FILIP1: variants seen among roughly 807,000 people sequenced by gnomAD.
FILIP1 encodes filamin-A-interacting protein 1.
FILIP1 carries 61 observed loss-of-function variants against 102.1 expected under a neutral mutation model. That is an observed-to-expected ratio of 0.60 (90% CI 0.49 to 0.74). FILIP1 has a LOEUF of 0.74. FILIP1 is among the 30% of genes least tolerant of loss of function. The pLI, the probability that FILIP1 is intolerant of heterozygous loss-of-function variation, is 0.00. For missense variants in FILIP1, 1,314 were observed against 1,441.2 expected (o/e 0.91, Z 1.43); for synonymous variants, 491 against 526.9 (o/e 0.93, Z 0.93).
chr6:75,313,016 G>A lies in FILIP1; in HGVS notation c.2816C>T (p.Thr939Ile). 2 of 1,614,128 alleles carry A rather than the reference G, an allele frequency of 1.2e-6. No individual in the cohort carries two copies. The highest frequency in any genetic ancestry group is 1.7e-6 in the Non-Finnish European group (2 of 1,180,028). ...ATTCCCTAAGGTAGGAATGACAGTG[G>A]TACTAGAAAAAAATTCTTCAGATGT... ...SPTSEEFFSS[T>I]TVIPTLGNQK... Residue 939 changes from threonine to isoleucine, a missense_variant, in exon 5 of 6, where the codon ACC (threonine) becomes ATC (isoleucine). Around this residue, in one of 3 missense-constraint regions of FILIP1, gnomAD observed 816 missense variants for 913.1 expected, o/e 0.89. Transcript: ENST00000237172. This position sits in a 1 kb window ranked among gnomAD's most constrained non-coding sequence, Gnocchi z 4.2.
intron 4 of FILIP1, among the ~76,000 whole-genome samples, chr6:75,338,067 T>C (rs1421783539): frequency 2.0e-5 from 3 of 152,226 alleles, no homozygotes; most frequent in Non-Finnish European, 2.9e-5. Flanking sequence ...TCAGGTCAAA[T>C]GAATGTGCTT....
intron 2 of FILIP1, among the ~76,000 whole-genome samples, chr6:75,370,994 A>C (rs1775500527): frequency 6.6e-6 from 1 of 152,250 alleles, no homozygotes; most frequent in Non-Finnish European, 1.5e-5. Context: ...TCTCATACAA[A>C]TTGAATTATA....
intron 1 of FILIP1, among the ~76,000 whole-genome samples, chr6:75,437,669 T>C (rs1368467629): frequency 1.3e-5 from 2 of 152,364 alleles, no homozygotes; most frequent in African/African-American, 4.8e-5. Flanking sequence ...GCATCTCTAA[T>C]GGAACAAGGA....
At chr6:75,477,705 G>T (rs1468475709) in intron 1 of FILIP1, among the ~76,000 whole-genome samples, 1 of 152,150 alleles carries the variant, frequency 6.6e-6, no homozygotes, top group Non-Finnish European at 1.5e-5. Flanking sequence ...AAGGGTCCTT[G>T]TGTGATGCAG....
chr6:75,341,770 A>G lies in FILIP1; in HGVS notation c.629+11769T>C, dbSNP rs1334349361. Among the ~76,000 whole-genome samples, 5 of 152,320 alleles carry G rather than the reference A, an allele frequency of 3.3e-5. No individual in the cohort carries two copies. In the East Asian group the frequency reaches 9.6e-4, roughly 29 times the overall value. ...AGGTTTTCAGTTTTCCTGAGTCTAC[A>G]TATAATTAAATACAATAACAGCTAC... On this transcript the variant is annotated intron_variant, in intron 4 of 5. Transcript: ENST00000237172.
At chr6:75,296,746 C>A (rs1772693308) in intron 6 of FILIP1, 1 of 151,672 alleles carries the variant, frequency 6.6e-6, no homozygotes, top group African/African-American at 2.4e-5. Context: ...GATCTGCCCG[C>A]CTCAGCCTCC....
intron 3 of FILIP1, among the ~76,000 whole-genome samples, chr6:75,354,376 G>A (rs1230408066): frequency 6.6e-6 from 1 of 152,050 alleles, no homozygotes; most frequent in African/African-American, 2.4e-5. Context: ...TTCAAGACCA[G>A]CCTGACCAAC....
chr6:75,368,924 T>C (rs1178059047), intron 2 of FILIP1, among the ~76,000 whole-genome samples: 2 of 152,188 alleles, frequency 1.3e-5, no homozygotes, highest in Non-Finnish European at 2.9e-5. Context: ...AAGTCTAAGT[T>C]AGCCAGTCTG....
chr6:75,313,922 T>G lies in FILIP1; in HGVS notation c.1910A>C (p.Glu637Ala), dbSNP rs769176224. ...TTGTTGGAGACGTTTCTTCAGTCTC[T>G]CAATTTCAAGTGTTAGTTCCTTAAT... Reference protein sequence around the residue: ...NKIKELTLEIERLKKRLQQLE... With the variant: ...NKIKELTLEIARLKKRLQQLE... The change falls in exon 5 of 6, where the codon GAG becomes GCG. Residue 637 changes from glutamate (E) to alanine (A), a missense_variant. Glu to Ala is a moderately radical substitution (Grantham distance 107, BLOSUM62 -1). Around this residue, in one of 3 missense-constraint regions of FILIP1, gnomAD observed 816 missense variants for 913.1 expected, o/e 0.89. Transcript: ENST00000237172. This position sits in a 1 kb window ranked among gnomAD's most constrained non-coding sequence, Gnocchi z 4.2. 1.2e-6 allele frequency: 2 copies of G among 1,613,530 alleles called. No homozygotes were observed. The highest frequency in any genetic ancestry group is 2.2e-5 in the East Asian group (1 of 44,880).
intron 1 of FILIP1, among the ~76,000 whole-genome samples, chr6:75,456,114 G>A (rs984490047): frequency 5.3e-5 from 8 of 152,114 alleles, no homozygotes; most frequent in Admixed American, 6.5e-5. Context: ...CACACTAAGA[G>A]GCTAGTGGTT....
chr6:75,436,939 T>C (rs1396125748), intron 1 of FILIP1, among the ~76,000 whole-genome samples: 1 of 151,942 alleles, frequency 6.6e-6, no homozygotes, highest in Non-Finnish European at 1.5e-5. Context: ...GAACGCAGAG[T>C]TGAGAAGAGA....
intron 4 of FILIP1, among the ~76,000 whole-genome samples, chr6:75,351,173 T>G (rs1250450722): frequency 6.6e-6 from 1 of 152,004 alleles, no homozygotes; most frequent in Non-Finnish European, 1.5e-5. Flanking sequence ...TTCAAGCAAT[T>G]CTCCTGCGTC....
At chr6:75,357,061 C>A (rs542837263) in intron 3 of FILIP1, among the ~76,000 whole-genome samples, 26 of 152,292 alleles carry the variant, frequency 1.7e-4, no homozygotes, top group African/African-American at 6.3e-4. Context: ...CAGGCCCTAC[C>A]CAACTCCTCC....
chr6:75,369,470 T>C (rs1190987285), intron 2 of FILIP1, among the ~76,000 whole-genome samples: 1 of 152,230 alleles, frequency 6.6e-6, no homozygotes, highest in Non-Finnish European at 1.5e-5. Flanking sequence ...CTGAATTTCA[T>C]TGATCATGTT....
At chr6:75,311,507 G>C (rs1381763936) in intron 5 of FILIP1, among the ~76,000 whole-genome samples, 1 of 146,640 alleles carries the variant, frequency 6.8e-6, no homozygotes, top group African/African-American at 2.5e-5. Flanking sequence ...TTGTTTGCTT[G>C]TTTGTTTGAG....
At chr6:75,418,190 T>C (rs1777335593) in intron 1 of FILIP1, among the ~76,000 whole-genome samples, 1 of 152,156 alleles carries the variant, frequency 6.6e-6, no homozygotes, top group African/African-American at 2.4e-5. Context: ...AGAGCAAGAC[T>C]CCGTCTCAAA....
chr6:75,337,824 A>G (rs569112428), intron 4 of FILIP1, among the ~76,000 whole-genome samples: 1 of 152,168 alleles, frequency 6.6e-6, no homozygotes, highest in Non-Finnish European at 1.5e-5. Flanking sequence ...AGTGAGAAAA[A>G]CCTGAGAGCA....
intron 1 of FILIP1, among the ~76,000 whole-genome samples, chr6:75,465,971 G>A (rs184464206): frequency 6.0e-4 from 92 of 152,174 alleles, no homozygotes; most frequent in African/African-American, 1.9e-3. Flanking sequence ...CAGCCATCGC[G>A]CTGTTCCTCG....
intron 1 of FILIP1, among the ~76,000 whole-genome samples, chr6:75,454,500 C>A (rs1778755059): frequency 6.6e-6 from 1 of 152,154 alleles, no homozygotes; most frequent in African/African-American, 2.4e-5. Flanking sequence ...TCTCTTTTGC[C>A]ATGTAGCATT....
Sources: allele counts gnomAD v4.1 joint callset (sites outside exome capture counted in the v4.1 genomes callset), GRCh38; gene constraint gnomAD v4.1.1; regional missense constraint gnomAD v4.1.1; non-coding constraint Gnocchi (gnomAD v3.1); transcripts MANE v1.5; gene names NCBI Gene and HGNC (gene_info 2026-07-23, HGNC 2026-07-21).